The following GLIS3 variants were observed in gnomAD, a reference collection of about 807,000 sequenced individuals.
GLIS3 encodes GLIS family zinc finger 3, also known as zinc finger protein GLIS3.
A neutral mutation model predicts 78.6 loss-of-function variants in GLIS3; 53 were observed. The ratio of observed to expected loss-of-function variants is 0.67; its 90% CI spans 0.54 to 0.85. The LOEUF (loss-of-function observed/expected upper bound fraction) is 0.85. GLIS3 is among the 40% of genes least tolerant of loss of function. The probability of loss-of-function intolerance (pLI) is 0.00; values close to 1 mark genes in which losing one functional copy is unlikely to be tolerated. For synonymous variants in GLIS3, 684 were observed against 509.9 expected (o/e 1.34, Z -4.60); for missense variants, 1,703 against 1,231.1 (o/e 1.38, Z -5.74).
intron 2 of GLIS3, among the ~76,000 whole-genome samples, chr9:4,143,018 C>T (rs1833924494): frequency 6.6e-6 from 1 of 152,120 alleles, no homozygotes; most frequent in Non-Finnish European, 1.5e-5. Context: ...CAAACCTACT[C>T]TCTGACATAC....
chr9:3,861,159 T>A (rs6476718), intron 8 of GLIS3, among the ~76,000 whole-genome samples: 109,301 of 152,120 alleles, frequency 0.72, 39,640 homozygotes, highest in East Asian at 0.84. Flanking sequence ...CATGTATCCC[T>A]GTGTTCGAGA....
intron 9 of GLIS3, among the ~76,000 whole-genome samples, chr9:3,849,936 G>C (rs1819317277): frequency 1.3e-5 from 2 of 151,962 alleles, no homozygotes. Context: ...CTTGTCATGA[G>C]AGAAGAGTAA....
intron 9 of GLIS3, among the ~76,000 whole-genome samples, chr9:3,837,295 G>T (rs996457096): frequency 6.6e-6 from 1 of 152,178 alleles, no homozygotes; most frequent in African/African-American, 2.4e-5. Context: ...TGCTGGCAAG[G>T]ATGTGGAGCA....
chr9:4,076,894 C>A (rs1354382938), intron 4 of GLIS3, among the ~76,000 whole-genome samples: 1 of 152,026 alleles, frequency 6.6e-6, no homozygotes, highest in African/African-American at 2.4e-5. Flanking sequence ...CTGTCTCTAT[C>A]AAGAAAATAT....
intron 2 of GLIS3, among the ~76,000 whole-genome samples, chr9:4,143,868 T>G (rs762699108): frequency 2.6e-5 from 4 of 152,232 alleles, no homozygotes; most frequent in Non-Finnish European, 5.9e-5. Flanking sequence ...TCAAGCACAC[T>G]GAACTATCTA....
At chr9:3,899,716 C>T (rs996044381) in intron 6 of GLIS3, among the ~76,000 whole-genome samples, 3 of 152,090 alleles carry the variant, frequency 2.0e-5, no homozygotes, top group African/African-American at 7.2e-5. Context: ...AGATATAGAG[C>T]TAGAGTATGC....
intron 2 of GLIS3, among the ~76,000 whole-genome samples, chr9:4,330,912 G>T (rs959500654): frequency 6.6e-6 from 1 of 152,316 alleles, no homozygotes; most frequent in African/African-American, 2.4e-5. Flanking sequence ...AGCACTGTTT[G>T]TCACTGTGCT....
intron 4 of GLIS3, among the ~76,000 whole-genome samples, chr9:4,045,850 T>C (rs1308009506): frequency 6.6e-6 from 1 of 152,120 alleles, no homozygotes; most frequent in African/African-American, 2.4e-5. Flanking sequence ...AAATGAAAGA[T>C]GTGCCAAAAG....
At chr9:4,244,151 T>C (rs1177777733) in intron 2 of GLIS3, among the ~76,000 whole-genome samples, 1 of 152,254 alleles carries the variant, frequency 6.6e-6, no homozygotes, top group Non-Finnish European at 1.5e-5. Flanking sequence ...ATCCGTACTC[T>C]GTACCTCTTT....
intron 4 of GLIS3, among the ~76,000 whole-genome samples, chr9:4,104,689 T>C (rs1372244377): frequency 1.3e-5 from 2 of 152,188 alleles, no homozygotes; most frequent in East Asian, 1.9e-4. Flanking sequence ...CACCTTGGAC[T>C]CCTTGATGTT....
chr9:4,026,057 C>T (rs1479821023), intron 4 of GLIS3, among the ~76,000 whole-genome samples: 1 of 151,906 alleles, frequency 6.6e-6, no homozygotes, highest in African/African-American at 2.4e-5. Flanking sequence ...AATCATAATC[C>T]CTACAACATT....
At chr9:4,195,422 G>A (rs1040251934) in intron 2 of GLIS3, among the ~76,000 whole-genome samples, 5 of 152,224 alleles carry the variant, frequency 3.3e-5, no homozygotes, top group African/African-American at 4.8e-5. Context: ...GCCCCAGACA[G>A]TGAGGGGCTT....
intron 1 of GLIS3, among the ~76,000 whole-genome samples, chr9:4,289,231 C>A (rs1336448919): frequency 6.6e-6 from 1 of 152,136 alleles, no homozygotes; most frequent in African/African-American, 2.4e-5. Context: ...TGGATCTATT[C>A]ATTACGGCCT....
At chr9:4,226,028 T>C (rs753932478) in intron 2 of GLIS3, among the ~76,000 whole-genome samples, 6 of 152,230 alleles carry the variant, frequency 3.9e-5, no homozygotes, top group Non-Finnish European at 7.3e-5. Flanking sequence ...ATGTGGGTAA[T>C]AGGTAATGTT....
intron 6 of GLIS3, among the ~76,000 whole-genome samples, chr9:3,899,541 A>C (rs1823130598): frequency 6.6e-6 from 1 of 152,178 alleles, no homozygotes; most frequent in African/African-American, 2.4e-5. Context: ...AAAACAATGT[A>C]AGATTTAGTG....
chr9:4,290,188 T>A (rs1330472965), intron 1 of GLIS3, among the ~76,000 whole-genome samples: 1 of 152,130 alleles, frequency 6.6e-6, no homozygotes, highest in African/African-American at 2.4e-5. Context: ...AGCCAGTTAA[T>A]TATTAATTTT....
intron 4 of GLIS3, among the ~76,000 whole-genome samples, chr9:4,096,219 G>C (rs932945543): frequency 6.6e-6 from 1 of 152,082 alleles, no homozygotes; most frequent in African/African-American, 2.4e-5. Flanking sequence ...TTTCTACATA[G>C]TGCTAAAATA....
intron 4 of GLIS3, among the ~76,000 whole-genome samples, chr9:4,056,426 T>C (rs998549297): frequency 2.0e-5 from 3 of 152,226 alleles, no homozygotes. Context: ...TTCCTTTAAG[T>C]TGTTAAAATC....
intron 4 of GLIS3, among the ~76,000 whole-genome samples, chr9:3,970,218 GA>G: frequency 6.6e-6 from 1 of 152,168 alleles, no homozygotes; most frequent in African/African-American, 2.4e-5. Context: ...ATTTCCTAAA[GA>G]GGACAGTAAA....
Sources: allele counts gnomAD v4.1 joint callset (sites outside exome capture counted in the v4.1 genomes callset), GRCh38; gene constraint gnomAD v4.1.1; transcripts MANE v1.5; gene names NCBI Gene and HGNC (gene_info 2026-07-23, HGNC 2026-07-21).